Variants in RBFOX3 observed in about 807,000 individuals in gnomAD.
RBFOX3 encodes the protein RNA binding protein fox-1 homolog 3.
In RBFOX3, 17 loss-of-function variants were observed where a neutral mutation model predicts 48.7. The ratio of observed to expected loss-of-function variants is 0.35; its 90% CI spans 0.24 to 0.52. RBFOX3 has a LOEUF of 0.52. RBFOX3 is among the 20% of genes least tolerant of loss of function. The pLI, the probability that RBFOX3 is intolerant of heterozygous loss-of-function variation, is 0.94. For missense variants in RBFOX3, 382 were observed against 497.5 expected, an observed-to-expected ratio of 0.77 and a Z score of 2.21; for synonymous variants, 212 against 209.5, an observed-to-expected ratio of 1.01 and a Z score of -0.10.
At chr17:79,583,649 C>T (rs1207205257) in intron 1 of RBFOX3, among the ~76,000 whole-genome samples, 4 of 152,150 alleles carry the variant, frequency 2.6e-5, no homozygotes, top group African/African-American at 9.7e-5. Context: ...GGCCCTGAGG[C>T]CCAGAGGAGT....
At chr17:79,543,503 G>A (rs1276287096) in intron 1 of RBFOX3, among the ~76,000 whole-genome samples, 6 of 152,054 alleles carry the variant, frequency 3.9e-5, no homozygotes, top group African/African-American at 1.4e-4. Flanking sequence ...CGTCTCTCGT[G>A]GGGCAGGCTT....
intron 2 of RBFOX3, among the ~76,000 whole-genome samples, chr17:79,397,892 C>A (rs1043954668): frequency 6.6e-6 from 1 of 152,130 alleles, no homozygotes; most frequent in African/African-American, 2.4e-5. Context: ...GGCCCTGGGG[C>A]TGGGAAGATG....
intron 3 of RBFOX3, among the ~76,000 whole-genome samples, chr17:79,284,576 AC>A (rs1448748373): frequency 1.6e-5 from 2 of 127,534 alleles, no homozygotes; most frequent in Non-Finnish European, 3.2e-5. Context: ...TTGCTCTGTC[AC>A]CCAGCAGGCT....
At position 79,482,624 on chromosome 17, in the gene RBFOX3, A is replaced by T. The variant is rs1352253892; in HGVS notation, c.-319-26T>A. 6.6e-6 allele frequency: 1 copy of T among 152,166 alleles called. No individual in the cohort carries two copies. 9.4% of individuals were successfully genotyped at this position (152,166 alleles called of 1,614,324 possible). A position where few individuals can be genotyped will look rare whatever the true frequency, so the allele number is the denominator to read the frequency against. On this transcript the variant is annotated intron_variant, in intron 1 of 14. Transcript: ENST00000693108. This position sits in a 1 kb window ranked among gnomAD's most constrained non-coding sequence, Gnocchi z 4.1. ...CTGCAGGGGGAAAAAAGCAAGTAAA[A>T]AAATTGCCTTTGAAGAAAACATCTT...
At chr17:79,226,997 G>A (rs1567875510) in intron 4 of RBFOX3, among the ~76,000 whole-genome samples, 2 of 152,174 alleles carry the variant, frequency 1.3e-5, no homozygotes, top group African/African-American at 2.4e-5. Flanking sequence ...TGGCCTGCGC[G>A]GAGCATCTGC....
At chr17:79,180,821 G>A (rs1327208293) in intron 4 of RBFOX3, among the ~76,000 whole-genome samples, 1 of 151,510 alleles carries the variant, frequency 6.6e-6, no homozygotes, top group Non-Finnish European at 1.5e-5. Flanking sequence ...GCGGGCGAGG[G>A]AAGGAAAGTG....
intron 4 of RBFOX3, among the ~76,000 whole-genome samples, chr17:79,162,846 G>A (rs2047243137): frequency 6.6e-6 from 1 of 152,164 alleles, no homozygotes; most frequent in African/African-American, 2.4e-5. Context: ...CAGGGCTTGG[G>A]GAAGTAGGTG....
intron 3 of RBFOX3, among the ~76,000 whole-genome samples, chr17:79,250,384 C>G (rs151279977): frequency 6.6e-6 from 1 of 152,132 alleles, no homozygotes; most frequent in African/African-American, 2.4e-5. Context: ...AGACGGAACA[C>G]GATAAATTGC....
chr17:79,400,322 G>A (rs1051353966), intron 2 of RBFOX3, among the ~76,000 whole-genome samples: 1 of 152,114 alleles, frequency 6.6e-6, no homozygotes, highest in Non-Finnish European at 1.5e-5. Context: ...GGAGCCACCC[G>A]AGGGGCTCCC....
At chr17:79,345,302 C>A (rs1024402921) in intron 2 of RBFOX3, among the ~76,000 whole-genome samples, 1 of 152,164 alleles carries the variant, frequency 6.6e-6, no homozygotes, top group Admixed American at 6.5e-5. Flanking sequence ...GCTGCAGGGT[C>A]TGTAGTGATG....
intron 1 of RBFOX3, among the ~76,000 whole-genome samples, chr17:79,559,613 GTAGATGGATGGA>G (rs1391734657): frequency 0.47 from 55,244 of 116,362 alleles, 15,487 homozygotes; most frequent in South Asian, 0.61. Context: ...GAGTGAATAG[GTAGATGGATGGA>G]TGGGTGGATG....
chr17:79,146,259 T>C (rs1164709901), intron 4 of RBFOX3, among the ~76,000 whole-genome samples: 1 of 152,154 alleles, frequency 6.6e-6, no homozygotes, highest in Non-Finnish European at 1.5e-5. Context: ...TAGCATCGAA[T>C]GCAGGGAGGC....
intron 2 of RBFOX3, among the ~76,000 whole-genome samples, chr17:79,343,410 G>A (rs944627568): frequency 1.2e-4 from 19 of 152,196 alleles, no homozygotes; most frequent in East Asian, 1.9e-4. Flanking sequence ...CCAGCTACTC[G>A]GGAAGCTGAG....
At chr17:79,115,877 A>G in intron 4 of RBFOX3, 129 bp from the exon 5 acceptor site, 1 of 530,540 alleles carries the variant, frequency 1.9e-6, no homozygotes, top group Non-Finnish European at 3.3e-6. Flanking sequence ...CGGCCCCTCC[A>G]AGGGGGGCTC....
At chr17:79,258,945 G>T (rs1270305604) in intron 3 of RBFOX3, among the ~76,000 whole-genome samples, 1 of 152,254 alleles carries the variant, frequency 6.6e-6, no homozygotes, top group Non-Finnish European at 1.5e-5. Flanking sequence ...CCCCAAAGCT[G>T]CCCTGCTTTC....
In RBFOX3 at chr17:79,583,825, G is replaced by A. The variant is rs1165769075; in HGVS notation, c.-320+27001C>T. Among the ~76,000 whole-genome samples, 18 of 152,336 alleles carry A rather than the reference G, an allele frequency of 1.2e-4. No individual in the cohort carries two copies. In the East Asian group the frequency reaches 3.1e-3, roughly 26 times the overall value. Reference sequence around the variant, plus strand: ...CCTGTGAACCCAGGCAGGAGGCCGCGGCCATGGTCCAGGCCAGAGAAGGTG... The same window carrying A: ...CCTGTGAACCCAGGCAGGAGGCCGCAGCCATGGTCCAGGCCAGAGAAGGTG... On this transcript the variant is annotated intron_variant, in intron 1 of 14. Transcript: ENST00000693108.
At position 79,150,063 on chromosome 17, in the gene RBFOX3, A is replaced by G. The variant is rs55836784; in HGVS notation, c.-33-34315T>C. ...GGGTGGGGGATGGGGATGGGGGTTG[A>G]GGGTGGGGGTTTGGGGTGGATCTAG... On this transcript the variant is annotated intron_variant, in intron 4 of 14. Coordinates refer to ENST00000693108, the MANE Select transcript of RBFOX3 (RefSeq NM_001350451.2). Among the ~76,000 whole-genome samples the G allele has an allele frequency of 5.3e-3, 63 of 11,948 alleles. 6 individuals carry two copies. Among genetic ancestry groups the G allele is most frequent in the African/African-American group, 5.8e-3 (13 of 2,252 alleles). The allele number at this position is 11,948 out of a possible 152,430, so 7.8% of individuals were successfully genotyped here.
chr17:79,350,059 G>A (rs577710356), intron 2 of RBFOX3, among the ~76,000 whole-genome samples: 3 of 152,222 alleles, frequency 2.0e-5, no homozygotes, highest in East Asian at 1.9e-4. Context: ...ATCCATTCCC[G>A]CCCCACCTGT....
At position 79,435,641 on chromosome 17, in the gene RBFOX3, C is replaced by T. The variant is rs2069276584; in HGVS notation, c.-175+46813G>A. Among the ~76,000 whole-genome samples, 3 of 152,190 alleles carry T rather than the reference C, an allele frequency of 2.0e-5. No homozygotes were observed. The South Asian group carries it at 6.2e-4, about 32-fold the overall frequency. On this transcript the variant is annotated intron_variant, in intron 2 of 14. Transcript: ENST00000693108. ...TGGTAGGCACTGACAAACGTTGGTCCCCGGGCTCAGGCCCGGGCCCCTGGG... is the reference window on the plus strand; with the variant it reads ...TGGTAGGCACTGACAAACGTTGGTCTCCGGGCTCAGGCCCGGGCCCCTGGG...
Sources: allele counts gnomAD v4.1 joint callset (sites outside exome capture counted in the v4.1 genomes callset), GRCh38; gene constraint gnomAD v4.1.1; non-coding constraint Gnocchi (gnomAD v3.1); transcripts MANE v1.5; gene names NCBI Gene and HGNC (gene_info 2026-07-23, HGNC 2026-07-21).